LRMDA: variants seen among roughly 807,000 people sequenced by gnomAD.
The protein encoded by LRMDA is leucine-rich melanocyte differentiation-associated protein.
LRMDA carries 18 observed loss-of-function variants against 29.8 expected under a neutral mutation model. The ratio of observed to expected loss-of-function variants is 0.60; its 90% CI spans 0.42 to 0.90. The LOEUF (loss-of-function observed/expected upper bound fraction) is 0.90, where lower values mean the gene tolerates loss of function less well. Ranked by LOEUF, LRMDA falls within the 40% of genes least tolerant of loss-of-function variation. The pLI, the probability that LRMDA is intolerant of heterozygous loss-of-function variation, is 0.00. For missense variants in LRMDA, 273 were observed against 273.9 expected, an observed-to-expected ratio of 1.00 and a Z score of 0.02; for synonymous variants, 125 against 109.4, an observed-to-expected ratio of 1.14 and a Z score of -0.89.
At chr10:76,378,990 G>T (rs1464262743) in intron 6 of LRMDA, among the ~76,000 whole-genome samples, 1 of 151,166 alleles carries the variant, frequency 6.6e-6, no homozygotes, top group Non-Finnish European at 1.5e-5. Context: ...CCGGGTAGCT[G>T]GTATTACAGG....
intron 2 of LRMDA, among the ~76,000 whole-genome samples, chr10:75,649,226 G>T (rs1000115895): frequency 6.6e-6 from 1 of 152,188 alleles, no homozygotes; most frequent in East Asian, 1.9e-4. Context: ...ATCCTTTTGT[G>T]TCTGGCTTCT....
At chr10:76,404,761 G>A (rs1156559434) in intron 6 of LRMDA, among the ~76,000 whole-genome samples, 1 of 152,158 alleles carries the variant, frequency 6.6e-6, no homozygotes, top group Non-Finnish European at 1.5e-5. Context: ...CTCTTAAAGG[G>A]ACTTTGCAGA....
intron 2 of LRMDA, among the ~76,000 whole-genome samples, chr10:75,843,749 C>A (rs199646056): frequency 6.6e-6 from 1 of 152,154 alleles, no homozygotes; most frequent in East Asian, 1.9e-4. Flanking sequence ...CCTTAAGGTC[C>A]TCGTGGTTAA....
At chr10:76,527,971 T>G (rs1843195764) in intron 6 of LRMDA, among the ~76,000 whole-genome samples, 1 of 152,146 alleles carries the variant, frequency 6.6e-6, no homozygotes, top group Non-Finnish European at 1.5e-5. Flanking sequence ...ATGAGCAATA[T>G]TCACTCTCGA....
intron 6 of LRMDA, among the ~76,000 whole-genome samples, chr10:76,491,618 C>T (rs922204238): frequency 6.6e-6 from 1 of 151,706 alleles, no homozygotes; most frequent in Non-Finnish European, 1.5e-5. Context: ...TATCCTTGGC[C>T]TTTGGGGGTT....
At chr10:76,010,187 G>A (rs1297278529) in intron 2 of LRMDA, among the ~76,000 whole-genome samples, 4 of 152,094 alleles carry the variant, frequency 2.6e-5, no homozygotes, top group South Asian at 2.1e-4. Context: ...TTACTGTCCC[G>A]GGATGAAGGA....
chr10:76,220,571 AAAG>A lies in LRMDA; in HGVS notation c.517-103826_517-103824del, dbSNP rs1851812986. ...ATACACCCTCCCAAGACTAAACCAGAAAGAAGTTGAATCTCTGAATAGACCAAT... is the reference window on the plus strand; with the variant it reads ...ATACACCCTCCCAAGACTAAACCAGAAAGTTGAATCTCTGAATAGACCAAT... On this transcript the variant is annotated intron_variant, in intron 5 of 6. Transcript: ENST00000611255. Among the ~76,000 whole-genome samples, 3 of 152,136 alleles carry A rather than the reference AAAG, an allele frequency of 2.0e-5. No individual in the cohort carries two copies. The South Asian group carries it at 6.2e-4, about 32-fold the overall frequency.
At chr10:75,542,894 T>C (rs1194191728) in intron 2 of LRMDA, among the ~76,000 whole-genome samples, 1 of 152,220 alleles carries the variant, frequency 6.6e-6, no homozygotes, top group East Asian at 1.9e-4. Flanking sequence ...CCTGCCACTG[T>C]CCGGCGCAGC....
intron 5 of LRMDA, among the ~76,000 whole-genome samples, chr10:76,086,188 G>A (rs1398530823): frequency 2.6e-5 from 4 of 152,138 alleles, no homozygotes; most frequent in Non-Finnish European, 2.9e-5. Context: ...TTGCTGGGGC[G>A]CCTGCTAAGT....
intron 6 of LRMDA, among the ~76,000 whole-genome samples, chr10:76,445,042 G>A (rs558611626): frequency 1.2e-4 from 18 of 152,064 alleles, no homozygotes; most frequent in South Asian, 1.0e-3. Context: ...ACAAAGCGCG[G>A]TGCAAAGCAC....
intron 2 of LRMDA, among the ~76,000 whole-genome samples, chr10:75,606,668 T>G (rs980614356): frequency 3.9e-5 from 6 of 152,222 alleles, no homozygotes; most frequent in Admixed American, 2.6e-4. Flanking sequence ...TCTTCTCACT[T>G]CTTTTCTGTT....
At chr10:75,754,229 TG>T (rs771971860) in intron 2 of LRMDA, among the ~76,000 whole-genome samples, 3 of 151,994 alleles carry the variant, frequency 2.0e-5, no homozygotes, top group Non-Finnish European at 4.4e-5. Flanking sequence ...TGTGAAGAGG[TG>T]GTTTTATAGG....
intron 5 of LRMDA, among the ~76,000 whole-genome samples, chr10:76,193,648 A>G (rs929753986): frequency 2.0e-5 from 3 of 152,142 alleles, no homozygotes; most frequent in African/African-American, 7.2e-5. Flanking sequence ...TAGCTGTGCA[A>G]TCTTCAATGA....
chr10:76,397,276 C>T (rs1305537544), intron 6 of LRMDA, among the ~76,000 whole-genome samples: 1 of 152,042 alleles, frequency 6.6e-6, no homozygotes, highest in East Asian at 1.9e-4. Context: ...CAGGCGGCTC[C>T]CCAGGAGCCT....
chr10:76,084,722 G>A (rs1451242886), intron 5 of LRMDA, among the ~76,000 whole-genome samples: 6 of 152,174 alleles, frequency 3.9e-5, no homozygotes, highest in Middle Eastern at 3.4e-3. Flanking sequence ...GTAAAAATTA[G>A]CCACTGTTAA....
At chr10:76,529,073 C>T (rs1341729551) in intron 6 of LRMDA, among the ~76,000 whole-genome samples, 1 of 152,116 alleles carries the variant, frequency 6.6e-6, no homozygotes, top group Non-Finnish European at 1.5e-5. Flanking sequence ...TCAATGACAC[C>T]AAGGAGGCCT....
intron 5 of LRMDA, among the ~76,000 whole-genome samples, chr10:76,102,558 C>T (rs1466771845): frequency 1.3e-5 from 2 of 152,210 alleles, no homozygotes; most frequent in Non-Finnish European, 2.9e-5. Context: ...CTGCAAAGGA[C>T]ATAATCTCAT....
intron 2 of LRMDA, among the ~76,000 whole-genome samples, chr10:75,564,444 T>C (rs1322165940): frequency 2.0e-5 from 3 of 152,196 alleles, no homozygotes; most frequent in Admixed American, 6.5e-5. Context: ...TTCACCCCTT[T>C]CTTTGACTAG....
intron 2 of LRMDA, among the ~76,000 whole-genome samples, chr10:75,717,342 A>G (rs1294853030): frequency 6.6e-6 from 1 of 152,214 alleles, no homozygotes; most frequent in African/African-American, 2.4e-5. Flanking sequence ...CCATTTGCAG[A>G]GTCAAGCCCT....
Sources: gnomAD v4.1 joint callset for allele counts (sites outside exome capture counted in the v4.1 genomes callset) on GRCh38, gnomAD v4.1.1 for gene constraint, MANE v1.5 for transcripts, NCBI Gene and HGNC (gene_info 2026-07-23, HGNC 2026-07-21) for gene names.